Variants in SORCS1 observed in about 807,000 individuals in gnomAD.
SORCS1 encodes sortilin related VPS10 domain containing receptor 1, also known as VPS10 domain-containing receptor SorCS1.
A neutral mutation model predicts 146.1 loss-of-function variants in SORCS1; 60 were observed. That is an observed-to-expected ratio of 0.41 (90% CI 0.33 to 0.51). The LOEUF (loss-of-function observed/expected upper bound fraction) is 0.51. Ranked by LOEUF, SORCS1 falls within the 20% of genes least tolerant of loss-of-function variation. The pLI is 0.21. For synonymous variants in SORCS1, 637 were observed against 584.0 expected, an observed-to-expected ratio of 1.09 and a Z score of -1.31; for missense variants, 1,352 against 1,487.6, an observed-to-expected ratio of 0.91 and a Z score of 1.50.
chr10:107,160,159 T>C (rs1969593307), intron 1 of SORCS1, among the ~76,000 whole-genome samples: 1 of 152,186 alleles, frequency 6.6e-6, no homozygotes, highest in South Asian at 2.1e-4. Flanking sequence ...TAAGAGTACG[T>C]CCTCCTCCAC....
intron 3 of SORCS1, among the ~76,000 whole-genome samples, chr10:106,816,748 T>TC (rs1947759420): frequency 6.6e-6 from 1 of 152,166 alleles, no homozygotes; most frequent in Middle Eastern, 3.2e-3. Flanking sequence ...TCTTCTTGTT[T>TC]GAAAAAAATA....
At chr10:107,138,356 G>A (rs1458598419) in intron 1 of SORCS1, among the ~76,000 whole-genome samples, 1 of 152,138 alleles carries the variant, frequency 6.6e-6, no homozygotes, top group Non-Finnish European at 1.5e-5. Context: ...CAGATTCGTT[G>A]TTTATTATTC....
intron 1 of SORCS1, among the ~76,000 whole-genome samples, chr10:107,006,637 G>A (rs1957454514): frequency 1.3e-5 from 2 of 152,172 alleles, no homozygotes. Context: ...CTAACACGGT[G>A]AAACCCCATC....
At chr10:107,122,672 A>T (rs1281532012) in intron 1 of SORCS1, among the ~76,000 whole-genome samples, 1 of 152,178 alleles carries the variant, frequency 6.6e-6, no homozygotes, top group Non-Finnish European at 1.5e-5. Flanking sequence ...GTCATTATAA[A>T]ATGTCTATCA....
At position 106,597,372 on chromosome 10, in the gene SORCS1, G is replaced by A; in HGVS notation, c.3244C>T (p.His1082Tyr). The A allele has an allele frequency of 6.2e-7, 1 of 1,613,936 alleles. No homozygotes were observed. The highest frequency in any genetic ancestry group is 1.3e-5 in the African/African-American group (1 of 75,036). ...TGACCCGCTGTTAAGTGAGCAGCAT[G>A]GACAAGGACTCGGACTCCTGGCTTC... The part of the protein sequence containing the change: ...ELKPGVRVLV[H>Y]AAHLTAAPLV... The change falls in exon 24 of 26, where the codon CAT becomes TAT. Residue 1082 changes from histidine (H) to tyrosine (Y), a missense_variant. Transcript: ENST00000263054.
chr10:106,896,923 C>G (rs1951505197), intron 2 of SORCS1, among the ~76,000 whole-genome samples: 1 of 136,652 alleles, frequency 7.3e-6, no homozygotes. Flanking sequence ...TGGAGTCTTG[C>G]TCTGTCTCCC....
intron 1 of SORCS1, among the ~76,000 whole-genome samples, chr10:107,004,747 C>A (rs531757851): frequency 6.6e-6 from 1 of 152,158 alleles, no homozygotes; most frequent in Non-Finnish European, 1.5e-5. Context: ...TAGGTCCATA[C>A]TTTGGGCTGC....
the SORCS1 span, among the ~76,000 whole-genome samples, chr10:107,178,663 A>C: frequency 6.6e-6 from 1 of 151,852 alleles, no homozygotes; most frequent in South Asian, 2.1e-4. Context: ...TAATTTTTGC[A>C]TTTTTAGTAG....
intron 5 of SORCS1, among the ~76,000 whole-genome samples, chr10:106,753,776 G>T (rs1391172809): frequency 6.6e-6 from 1 of 152,008 alleles, no homozygotes; most frequent in Non-Finnish European, 1.5e-5. Flanking sequence ...CGTAAGAAGA[G>T]AACTCAAGCT....
chr10:106,817,112 G>C (rs1228561104), intron 3 of SORCS1, among the ~76,000 whole-genome samples: 1 of 152,162 alleles, frequency 6.6e-6, no homozygotes, highest in Non-Finnish European at 1.5e-5. Flanking sequence ...ACATCACAGA[G>C]ATTCAAAAGA....
At chr10:106,963,142 G>GTTTT (rs1589803338) in intron 1 of SORCS1, among the ~76,000 whole-genome samples, 1 of 27,964 alleles carries the variant, frequency 3.6e-5, no homozygotes, top group African/African-American at 6.8e-5. Flanking sequence ...TTTTGAGACA[G>GTTTT]TCTTGCTCTG....
chr10:106,824,790 C>A (rs984961231), intron 3 of SORCS1, among the ~76,000 whole-genome samples: 2 of 152,160 alleles, frequency 1.3e-5, no homozygotes, highest in Admixed American at 6.5e-5. Flanking sequence ...CCAAGAGACC[C>A]GTAGGAATGA....
intron 5 of SORCS1, among the ~76,000 whole-genome samples, chr10:106,742,389 T>A (rs201219519): frequency 0.12 from 14,386 of 120,032 alleles, 1,425 homozygotes; most frequent in East Asian, 0.36. Flanking sequence ...TTTACACAAT[T>A]TTTTTTTTGA....
chr10:107,010,378 A>C (rs1957645653), intron 1 of SORCS1, among the ~76,000 whole-genome samples: 1 of 152,234 alleles, frequency 6.6e-6, no homozygotes, highest in South Asian at 2.1e-4. Flanking sequence ...AGCCATGCTT[A>C]ATCATGCTCC....
intron 1 of SORCS1, among the ~76,000 whole-genome samples, chr10:107,146,991 G>A (rs892735457): frequency 6.6e-6 from 1 of 152,036 alleles, no homozygotes; most frequent in Admixed American, 6.6e-5. Flanking sequence ...TAAAAACCCA[G>A]TAAGTATTAG....
In SORCS1 at chr10:106,574,457, C is replaced by T. The variant is rs1243812581; in HGVS notation, c.*2963G>A. ...GAGTAGGTAGGCACTTAGGTCCCTC[C>T]CATTTGTAGGCTCTCATTACTGCCT... On this transcript the variant is annotated 3_prime_UTR_variant, in exon 26 of 26. Transcript: ENST00000263054. 1 of 152,546 alleles carries T rather than the reference C, an allele frequency of 6.6e-6. No individual in the cohort carries two copies. Among genetic ancestry groups the T allele is most frequent in the African/African-American group, 2.4e-5 (1 of 41,410 alleles). 9.4% of individuals were successfully genotyped at this position (152,546 alleles called of 1,614,324 possible).
chr10:106,948,949 A>C (rs182256339), intron 2 of SORCS1, among the ~76,000 whole-genome samples: 80 of 152,052 alleles, frequency 5.3e-4, no homozygotes, highest in Middle Eastern at 3.4e-3. Context: ...AGACAGAGAA[A>C]GACTCTGTAT....
chr10:106,892,868 A>AG (rs1407107095), intron 2 of SORCS1, among the ~76,000 whole-genome samples: 1 of 151,522 alleles, frequency 6.6e-6, no homozygotes, highest in African/African-American at 2.4e-5. Context: ...ATAAAATCAC[A>AG]GAAAAAAAAG....
At chr10:106,665,530 A>G (rs1186163526) in intron 17 of SORCS1, among the ~76,000 whole-genome samples, 1 of 151,722 alleles carries the variant, frequency 6.6e-6, no homozygotes, top group African/African-American at 2.4e-5. Context: ...CTTCTTTTTA[A>G]CTTTTTATTA....
Sources: allele counts gnomAD v4.1 joint callset (sites outside exome capture counted in the v4.1 genomes callset), GRCh38; gene constraint gnomAD v4.1.1; transcripts MANE v1.5; gene names NCBI Gene and HGNC (gene_info 2026-07-23, HGNC 2026-07-21).